Variants in CLASP1 observed in about 807,000 individuals in gnomAD.
The protein encoded by CLASP1 is CLIP-associating protein 1.
In CLASP1, 38 loss-of-function variants were observed where a neutral mutation model predicts 192.3. The ratio of observed to expected loss-of-function variants is 0.20; its 90% confidence interval spans 0.15 to 0.26. CLASP1 has a LOEUF of 0.26. Ranked by LOEUF, CLASP1 falls within the 10% of genes least tolerant of loss-of-function variation. The pLI is 1.00. For missense variants in CLASP1, 1,433 were observed against 1,932.5 expected, an observed-to-expected ratio of 0.74 and a Z score of 4.85; for synonymous variants, 691 against 712.8, an observed-to-expected ratio of 0.97 and a Z score of 0.49.
At chr2:121,579,612 G>A (rs1046751238) in intron 2 of CLASP1, among the ~76,000 whole-genome samples, 1 of 152,100 alleles carries the variant, frequency 6.6e-6, no homozygotes, top group Non-Finnish European at 1.5e-5. Flanking sequence ...ATTCTATGAG[G>A]TTTGTAATAT....
chr2:121,599,233 C>T (rs1305295388), intron 2 of CLASP1, among the ~76,000 whole-genome samples: 2 of 151,696 alleles, frequency 1.3e-5, no homozygotes, highest in Non-Finnish European at 2.9e-5. Flanking sequence ...AATAACAACA[C>T]GCAAGTACTA....
intron 2 of CLASP1, among the ~76,000 whole-genome samples, chr2:121,599,175 A>G (rs568088769): frequency 6.6e-6 from 1 of 150,934 alleles, no homozygotes; most frequent in Non-Finnish European, 1.5e-5. Flanking sequence ...ATTTTTTTTT[A>G]ATAAGCCATT....
intron 37 of CLASP1, among the ~76,000 whole-genome samples, chr2:121,351,169 G>T (rs1199893382): frequency 1.3e-5 from 2 of 152,114 alleles, no homozygotes; most frequent in Admixed American, 1.3e-4. Flanking sequence ...GACTGTTCCT[G>T]CTGACCTCCC....
chr2:121,477,656 TC>T (rs1449735599), intron 8 of CLASP1, among the ~76,000 whole-genome samples: 1 of 152,238 alleles, frequency 6.6e-6, no homozygotes, highest in Admixed American at 6.5e-5. Flanking sequence ...ATTAATCTAG[TC>T]AATTTTAAAG....
At chr2:121,589,646 A>C (rs7576045) in intron 2 of CLASP1, among the ~76,000 whole-genome samples, 17,585 of 151,572 alleles carry the variant, frequency 0.12, 1,296 homozygotes, top group African/African-American at 0.2. Context: ...AAAAAAAAAA[A>C]AACACACTAT....
At chr2:121,411,486 G>A (rs1183035846) in intron 23 of CLASP1, among the ~76,000 whole-genome samples, 1 of 151,968 alleles carries the variant, frequency 6.6e-6, no homozygotes, top group Non-Finnish European at 1.5e-5. Flanking sequence ...ATACTTGTTC[G>A]TCACGATGCC....
At chr2:121,531,071 T>C (rs529832152) in intron 2 of CLASP1, 10 of 690,562 alleles carry the variant, frequency 1.4e-5, no homozygotes, top group African/African-American at 5.3e-5. Context: ...AAACTAGTAC[T>C]TTGTGGTTAA....
intron 1 of CLASP1, among the ~76,000 whole-genome samples, chr2:121,624,627 G>A (rs2067985141): frequency 6.6e-6 from 1 of 152,160 alleles, no homozygotes; most frequent in South Asian, 2.1e-4. Context: ...ATGTTGGCCA[G>A]GCTGGTCTTG....
chr2:121,377,073 C>T (rs1193562942), intron 34 of CLASP1, among the ~76,000 whole-genome samples: 1 of 152,220 alleles, frequency 6.6e-6, no homozygotes, highest in African/African-American at 2.4e-5. Context: ...CTCCCACCAA[C>T]TGGCCTGGTC....
chr2:121,358,363 A>G (rs1053053844), intron 37 of CLASP1, among the ~76,000 whole-genome samples: 1 of 152,210 alleles, frequency 6.6e-6, no homozygotes, highest in Non-Finnish European at 1.5e-5. Flanking sequence ...AGGAAAAACC[A>G]AAGTACAGAG....
intron 2 of CLASP1, among the ~76,000 whole-genome samples, chr2:121,555,767 T>C (rs1331632169): frequency 2.0e-5 from 3 of 152,092 alleles, no homozygotes; most frequent in Non-Finnish European, 2.9e-5. Flanking sequence ...TTGCAACCTC[T>C]GCCTCCTGGG....
At chr2:121,400,190 ATTACT>A (rs1277478569) in intron 28 of CLASP1, among the ~76,000 whole-genome samples, 4 of 152,122 alleles carry the variant, frequency 2.6e-5, no homozygotes, top group Admixed American at 2.6e-4. Flanking sequence ...AATTTAGTAC[ATTACT>A]TTGATTCTTA....
At chr2:121,338,711 G>A (rs945542953) in exon 40 of CLASP1, 2 of 152,208 alleles carry the variant, frequency 1.3e-5, no homozygotes, top group Non-Finnish European at 2.9e-5. Context: ...GACTGGGCGA[G>A]TGACATTCAA....
chr2:121,446,401 G>A (rs1318483751), intron 19 of CLASP1, among the ~76,000 whole-genome samples: 1 of 152,142 alleles, frequency 6.6e-6, no homozygotes, highest in Non-Finnish European at 1.5e-5. Context: ...AATCTTCTCT[G>A]GGTGCTATTT....
intron 1 of CLASP1, among the ~76,000 whole-genome samples, chr2:121,613,700 T>G (rs1180454556): frequency 6.6e-6 from 1 of 151,848 alleles, no homozygotes; most frequent in Non-Finnish European, 1.5e-5. Context: ...ACACACACTA[T>G]CAGTAAAGAA....
chr2:121,594,299 CA>C (rs370618050), intron 2 of CLASP1, among the ~76,000 whole-genome samples: 52 of 132,746 alleles, frequency 3.9e-4, no homozygotes, highest in Non-Finnish European at 4.8e-4. Context: ...GACTCCGTCT[CA>C]AAAAAAAAAA....
At position 121,407,414 on chromosome 2, in the gene CLASP1, C is replaced by T. The variant is rs577238124; in HGVS notation, c.2669+57G>A. 8 of 1,596,054 alleles carry T rather than the reference C, an allele frequency of 5.0e-6. No homozygotes were observed. The South Asian group carries it at 7.9e-5, about 16-fold the overall frequency. On this transcript the variant is annotated intron_variant, in intron 25 of 39. Transcript: ENST00000263710. The stretch of plus-strand genomic sequence containing the variant: ...TAATTATAGGAAATCCCTTTAAACC[C>T]CTGAAGAGTCCAACAGGAGATTCAA...
intron 2 of CLASP1, among the ~76,000 whole-genome samples, chr2:121,601,229 C>T (rs995437182): frequency 2.0e-5 from 3 of 151,390 alleles, no homozygotes; most frequent in Non-Finnish European, 4.4e-5. Flanking sequence ...AAAAATGTAA[C>T]AACCATGGCT....
At chr2:121,605,241 C>G (rs1292066363) in intron 2 of CLASP1, among the ~76,000 whole-genome samples, 1 of 150,820 alleles carries the variant, frequency 6.6e-6, no homozygotes, top group Non-Finnish European at 1.5e-5. Flanking sequence ...CTATTTCTGT[C>G]CAGGTACCTG....
Sources: gnomAD v4.1 joint callset for allele counts (sites outside exome capture counted in the v4.1 genomes callset) on GRCh38, gnomAD v4.1.1 for gene constraint, MANE v1.5 for transcripts, NCBI Gene and HGNC (gene_info 2026-07-23, HGNC 2026-07-21) for gene names.